Variants in IDUA observed in about 807,000 individuals in gnomAD.
IDUA encodes the protein alpha-L-iduronidase, also known as iduronidase alpha-L-.
In IDUA, 65 loss-of-function variants were observed where a neutral mutation model predicts 68.9. That is an observed-to-expected ratio of 0.94 (90% CI 0.77 to 1.16). The LOEUF (loss-of-function observed/expected upper bound fraction) is 1.16, where lower values mean the gene tolerates loss of function less well. IDUA is among the 50% of genes most tolerant of loss of function. IDUA has a pLI of 0.00. For synonymous variants in IDUA, 529 were observed against 433.6 expected, an observed-to-expected ratio of 1.22 and a Z score of -2.73; for missense variants, 1,046 against 938.0, an observed-to-expected ratio of 1.12 and a Z score of -1.50.
At chr4:987,270 C>G (rs761826464) in intron 1 of IDUA, 28 bp downstream of exon 1, 96 of 1,510,726 alleles carry the variant, frequency 6.4e-5, no homozygotes, top group Admixed American at 3.4e-4. Context: ...TCCGGGACCC[C>G]CTGGCCGCAC....
chr4:1,001,703 G>A lies in IDUA; in HGVS notation c.614G>A (p.Cys205Tyr), dbSNP rs1715086540. The part of the protein sequence containing the change: ...MQGFLNYYDA[C>Y]SEGLRAASPA... ...GGCTTCCTGAACTACTACGATGCCT[G>A]CTCGGAGGGTCTGCGCGCCGCCAGC... Residue 205 changes from cysteine (C) to tyrosine (Y), a missense_variant, in exon 6 of 14, where the codon TGC becomes TAC. Physicochemically the swap from Cys to Tyr is radical, Grantham distance 194. Transcript: ENST00000514224. 2 of 1,600,092 alleles carry A rather than the reference G, an allele frequency of 1.2e-6. No homozygotes were observed. The highest frequency in any genetic ancestry group is 2.2e-5 in the South Asian group (2 of 90,842).
intron 8 of IDUA, 79 bp downstream of exon 8, chr4:1,002,564 G>T: frequency 7.6e-7 from 1 of 1,320,120 alleles, no homozygotes; most frequent in South Asian, 1.6e-5. Context: ...CCGCTGCGGG[G>T]AGCGCACTTC....
At chr4:1,003,839 C>A in intron 12 of IDUA, 173 bp from the exon 13 acceptor site, 2 of 789,242 alleles carry the variant, frequency 2.5e-6, no homozygotes, top group Non-Finnish European at 4.3e-6. Flanking sequence ...ATGAGATGGA[C>A]ATTCGGGCTC....
At position 987,503 on chromosome 4, in the gene IDUA, T is replaced by C. The variant is rs546150462; in HGVS notation, c.158+261T>C. Among the ~76,000 whole-genome samples the C allele has an allele frequency of 1.4e-3, 214 of 152,062 alleles. 1 individual carries two copies. Among genetic ancestry groups the C allele is most frequent in the Non-Finnish European group, 2.2e-3 (148 of 67,978 alleles). On this transcript the variant is annotated intron_variant, in intron 1 of 13. Coordinates refer to ENST00000514224, the MANE Select transcript of IDUA (RefSeq NM_000203.5). ...GTAAACCAGGAGTCTCCCCTGGGAG[T>C]GGACGGCCCTGCAGCGGGACCTGGC...
intron 4 of IDUA, 62 bp downstream of exon 4, chr4:1,001,051 C>T (rs1715041578): frequency 8.7e-7 from 1 of 1,143,624 alleles, no homozygotes; most frequent in Non-Finnish European, 1.3e-6. Flanking sequence ...CAGGTTGCAC[C>T]CCTATCACGC....
At chr4:999,074 G>A (rs559136446) in intron 2 of IDUA, among the ~76,000 whole-genome samples, 33 of 152,098 alleles carry the variant, frequency 2.2e-4, no homozygotes, top group African/African-American at 4.8e-4. Flanking sequence ...GCGTGGTGGC[G>A]GGCGCCTGTA....
Position 991,259 on chromosome 4 carries a change from A to G in IDUA, c.299+3310A>G, listed in dbSNP as rs1354383415. ...GCTCCGGGCTGCAGGCCGTCCTGGG[A>G]GGGGTCAAAGCCGGCCAGCTGGAGC... On this transcript the variant is annotated intron_variant, in intron 2 of 13. Coordinates refer to ENST00000514224, the MANE Select transcript of IDUA (RefSeq NM_000203.5). The G allele has an allele frequency of 2.5e-6, 4 of 1,612,358 alleles. No homozygotes were observed. The highest frequency in any genetic ancestry group is 3.4e-6 in the Non-Finnish European group (4 of 1,179,780).
chr4:997,491 A>AGGGGCG (rs1231126877), intron 2 of IDUA, among the ~76,000 whole-genome samples: 93 of 151,154 alleles, frequency 6.2e-4, no homozygotes, highest in African/African-American at 2.2e-3. Context: ...GCTCGGGCCC[A>AGGGGCG]GGGGCGGGGA....
chr4:1,000,311 C>A (rs1420773463), intron 2 of IDUA, among the ~76,000 whole-genome samples: 1 of 152,228 alleles, frequency 6.6e-6, no homozygotes, highest in African/African-American at 2.4e-5. Flanking sequence ...ACCCCTGGCC[C>A]CTGCTGCTCG....
chr4:992,466 T>C (rs1714441118), intron 2 of IDUA, among the ~76,000 whole-genome samples: 1 of 152,140 alleles, frequency 6.6e-6, no homozygotes, highest in Non-Finnish European at 1.5e-5. Context: ...GCCTAGCCCA[T>C]CCGCCTGGAC....
In IDUA at chr4:991,356, GC is replaced by G. The variant is rs756881822; in HGVS notation, c.299+3410del. 8.7e-6 allele frequency: 14 copies of G among 1,612,796 alleles called. No homozygotes were observed. The highest frequency in any genetic ancestry group is 1.2e-5 in the Non-Finnish European group (14 of 1,179,964). Reference sequence around the variant, plus strand: ...TGCCCACGGAGACATGCCGTGAGGTGCCCATGAGGAAGTAGATGAGGTTGGC... The same window carrying G: ...TGCCCACGGAGACATGCCGTGAGGTGCCATGAGGAAGTAGATGAGGTTGGC... On this transcript the variant is annotated intron_variant, in intron 2 of 13. Coordinates refer to ENST00000514224, the MANE Select transcript of IDUA (RefSeq NM_000203.5).
In IDUA at chr4:1,004,142, G is replaced by A. The variant is rs749484091; in HGVS notation, c.1828+30G>A. The A allele has an allele frequency of 1.3e-5, 21 of 1,611,556 alleles. No individual in the cohort carries two copies. Among genetic ancestry groups the A allele is most frequent in the Admixed American group, 6.7e-5 (4 of 59,958 alleles). ...GCCCACCACCCGCTGCCCTGGACTCGGCCACCCCATTCTTGGGCCTCAGGG... is the reference window on the plus strand; with the variant it reads ...GCCCACCACCCGCTGCCCTGGACTCAGCCACCCCATTCTTGGGCCTCAGGG... On this transcript the variant is annotated intron_variant, in intron 13 of 13. Coordinates refer to ENST00000514224, the MANE Select transcript of IDUA (RefSeq NM_000203.5). This position sits in a 1 kb window ranked among gnomAD's most constrained non-coding sequence, Gnocchi z 5.0.
intron 2 of IDUA, among the ~76,000 whole-genome samples, chr4:997,312 G>T (rs1196981585): frequency 1.3e-5 from 2 of 150,830 alleles, no homozygotes; most frequent in Admixed American, 6.6e-5. Context: ...AGCCCAGCGG[G>T]CCCGGCCTCC....
At position 1,001,820 on chromosome 4, in the gene IDUA, G is replaced by A. The variant is rs375300630; in HGVS notation, c.731G>A (p.Gly244Asp). 6.2e-7 allele frequency: 1 copy of A among 1,605,398 alleles called. No homozygotes were observed. The highest frequency in any genetic ancestry group is 1.7e-5 in the Admixed American group (1 of 59,076). Residue 244 changes from glycine (G) to aspartate (D), a missense_variant, in exon 6 of 14, where the codon GGT becomes GAT. Physicochemically the swap from Gly to Asp is moderately conservative, Grantham distance 94 (BLOSUM62 -1). Coordinates refer to ENST00000514224, the MANE Select transcript of IDUA (RefSeq NM_000203.5). ...GGCCTCCTGCGCCACTGCCACGACG[G>A]TACCAACTTCTTCACTGGGGAGGCG... ...SWGLLRHCHD[G>D]TNFFTGEAGV... is the part of the protein sequence containing the mutation.
chr4:991,734 C>A, intron 2 of IDUA: 1 of 1,526,256 alleles, frequency 6.6e-7, no homozygotes, highest in African/African-American at 1.4e-5. Flanking sequence ...GGCCGACCTG[C>A]GGCCGAGAAG....
intron 2 of IDUA, among the ~76,000 whole-genome samples, chr4:1,000,321 G>A (rs1273362598): frequency 2.6e-5 from 4 of 152,244 alleles, no homozygotes; most frequent in Non-Finnish European, 4.4e-5. Flanking sequence ...CCTGCTGCTC[G>A]CGACTGGCCT....
At chr4:998,068 C>G (rs568843503) in intron 2 of IDUA, among the ~76,000 whole-genome samples, 1 of 152,368 alleles carries the variant, frequency 6.6e-6, no homozygotes, top group African/African-American at 2.4e-5. Flanking sequence ...TAATTCTTAT[C>G]CAAGTGCCTC....
At chr4:1,003,518 C>T (rs941217436) in intron 11 of IDUA, 31 bp from the exon 12 acceptor site, 3 of 1,606,826 alleles carry the variant, frequency 1.9e-6, no homozygotes. Flanking sequence ...CTCCCCTTCC[C>T]CGACGCCATC....
chr4:991,209 C>T (rs1434168182), intron 2 of IDUA: 4 of 1,604,844 alleles, frequency 2.5e-6, no homozygotes, highest in South Asian at 1.1e-5. Flanking sequence ...GCATGGCAGC[C>T]GAGCCGTTGA....
Sources: allele counts gnomAD v4.1 joint callset (sites outside exome capture counted in the v4.1 genomes callset), GRCh38; gene constraint gnomAD v4.1.1; non-coding constraint Gnocchi (gnomAD v3.1); transcripts MANE v1.5; gene names NCBI Gene and HGNC (gene_info 2026-07-23, HGNC 2026-07-21).